The following SLIT3 variants were observed in gnomAD, a reference collection of about 807,000 sequenced individuals.
The protein encoded by SLIT3 is slit guidance ligand 3.
Under a neutral mutation model 184.0 loss-of-function variants are expected in SLIT3, and 68 were observed. The observed-to-expected ratio is 0.37, with a 90% CI of 0.30 to 0.45. The LOEUF is 0.45. SLIT3 is among the 20% of genes least tolerant of loss of function. The pLI is 1.00. For synonymous variants in SLIT3, 831 were observed against 828.6 expected (o/e 1.00, Z -0.05); for missense variants, 1,707 against 2,026.0 (o/e 0.84, Z 3.02).
At chr5:169,062,140 C>T (rs1033831875) in intron 4 of SLIT3, among the ~76,000 whole-genome samples, 19 of 152,054 alleles carry the variant, frequency 1.2e-4, no homozygotes, top group Non-Finnish European at 2.6e-4. Flanking sequence ...GCCGAGATCA[C>T]GCCACTGCAC....
rs181596650 is a variant in SLIT3, at chr5:169,136,639, C to T, written c.413+56840G>A. On this transcript the variant is annotated intron_variant, in intron 4 of 35. Coordinates refer to ENST00000519560, the MANE Select transcript of SLIT3 (RefSeq NM_003062.4). ...GATGTTAAACTTGGTGACCTCTGGC[C>T]CCATCTTTCAACGCCTAAAAACAAG... Among the ~76,000 whole-genome samples, 101 of 152,298 alleles carry T rather than the reference C, an allele frequency of 6.6e-4. 1 individual carries two copies. The highest frequency in any genetic ancestry group is 1.1e-3 in the Non-Finnish European group (74 of 68,030).
intron 4 of SLIT3, among the ~76,000 whole-genome samples, chr5:169,093,860 T>C (rs2113210319): frequency 6.6e-6 from 1 of 152,340 alleles, no homozygotes; most frequent in Admixed American, 6.5e-5. Context: ...AGAGGCCTTA[T>C]GAATTTTTAT....
At chr5:169,021,615 T>A (rs1756600629) in intron 4 of SLIT3, among the ~76,000 whole-genome samples, 1 of 152,212 alleles carries the variant, frequency 6.6e-6, no homozygotes, top group Non-Finnish European at 1.5e-5. Flanking sequence ...CCTCCCAGTG[T>A]GCTGGGATTA....
chr5:168,692,810 G>T (rs1038243311), intron 28 of SLIT3, 110 bp from the exon 29 acceptor site: 8 of 729,326 alleles, frequency 1.1e-5, no homozygotes, highest in Non-Finnish European at 1.9e-5. Flanking sequence ...GACTCATCCA[G>T]CCCCTGGTCA....
intron 5 of SLIT3, chr5:168,844,878 A>G: frequency 2.0e-6 from 1 of 488,836 alleles, no homozygotes; most frequent in Non-Finnish European, 3.6e-6. Context: ...GTCAGGTCTC[A>G]GTAAATATTA....
chr5:168,824,813 G>T (rs1187590775), intron 6 of SLIT3, among the ~76,000 whole-genome samples: 2 of 152,112 alleles, frequency 1.3e-5, no homozygotes, highest in Non-Finnish European at 2.9e-5. Context: ...AGCCTCCATG[G>T]GTCCCTACTG....
intron 3 of SLIT3, among the ~76,000 whole-genome samples, chr5:169,220,172 C>T (rs1764574230): frequency 1.3e-5 from 2 of 152,110 alleles, no homozygotes; most frequent in South Asian, 2.1e-4. Context: ...GTCCTTGGTA[C>T]CCCACATTGC....
chr5:169,242,228 G>T (rs566857771), intron 3 of SLIT3, among the ~76,000 whole-genome samples: 1 of 152,174 alleles, frequency 6.6e-6, no homozygotes, highest in African/African-American at 2.4e-5. Flanking sequence ...ACACTGAAAG[G>T]TATTATGAGA....
intron 20 of SLIT3, among the ~76,000 whole-genome samples, chr5:168,739,397 G>T (rs1263181057): frequency 6.6e-6 from 1 of 151,294 alleles, no homozygotes; most frequent in African/African-American, 2.4e-5. Context: ...GACTATTAAA[G>T]TATTCCTCGC....
At chr5:168,833,548 CCAAAGGCCT>C (rs1261750693) in intron 6 of SLIT3, among the ~76,000 whole-genome samples, 1 of 152,216 alleles carries the variant, frequency 6.6e-6, no homozygotes, top group Non-Finnish European at 1.5e-5. Context: ...CAAGCAGTGG[CCAAAGGCCT>C]GGAAGGCCCT....
At chr5:169,113,844 C>T (rs569897429) in intron 4 of SLIT3, among the ~76,000 whole-genome samples, 128 of 151,850 alleles carry the variant, frequency 8.4e-4, no homozygotes, top group African/African-American at 3.0e-3. Flanking sequence ...TTAGTAGAGG[C>T]GGGGTTTCAC....
chr5:168,735,495 G>A lies in SLIT3; in HGVS notation c.2271-11011C>T, dbSNP rs375034875. On this transcript the variant is annotated intron_variant, in intron 20 of 35. Coordinates refer to ENST00000519560, the MANE Select transcript of SLIT3 (RefSeq NM_003062.4). ...CCTGGGTGAAGTACTTAACCTCTTT[G>A]AGCTTACATTTAGTCACCTGTAAAA... 4.5e-4 allele frequency among the ~76,000 whole-genome samples: 69 copies of A among 152,170 alleles called. No individual in the cohort carries two copies. In the East Asian group the frequency reaches 0.013, roughly 29 times the overall value.
At chr5:169,190,928 G>T (rs1053591273) in intron 4 of SLIT3, among the ~76,000 whole-genome samples, 23 of 152,288 alleles carry the variant, frequency 1.5e-4, no homozygotes, top group Middle Eastern at 3.4e-3. Flanking sequence ...CAAAGATCAA[G>T]CCCAGAGAGA....
rs369710250 is a variant in SLIT3 at position 169,258,961 on chromosome 5, T to G, written c.198-7502A>C. Among the ~76,000 whole-genome samples the G allele has an allele frequency of 5.9e-5, 9 of 152,364 alleles. No individual in the cohort carries two copies. In the South Asian group the frequency reaches 1.9e-3, roughly 32 times the overall value. On this transcript the variant is annotated intron_variant, in intron 1 of 35. Transcript: ENST00000519560. ...TCAACCTTTTCACTCCTTAGCTATG[T>G]GGCTTTGAGAAAGGCACTTAACTTT...
At chr5:168,892,582 T>A (rs1490680163) in intron 4 of SLIT3, among the ~76,000 whole-genome samples, 1 of 152,226 alleles carries the variant, frequency 6.6e-6, no homozygotes, top group Admixed American at 6.5e-5. Context: ...AAGCCATGGT[T>A]TAGAATATTC....
At chr5:169,064,113 T>C (rs967745028) in intron 4 of SLIT3, among the ~76,000 whole-genome samples, 3 of 152,128 alleles carry the variant, frequency 2.0e-5, no homozygotes, top group Admixed American at 2.0e-4. Flanking sequence ...CCATTCTGCT[T>C]GGTGCCAGAA....
At chr5:168,888,991 A>G (rs1760332703) in intron 4 of SLIT3, among the ~76,000 whole-genome samples, 1 of 152,220 alleles carries the variant, frequency 6.6e-6, no homozygotes, top group Non-Finnish European at 1.5e-5. Flanking sequence ...TCTCAATACT[A>G]CCATCTTACA....
intron 32 of SLIT3, among the ~76,000 whole-genome samples, chr5:168,680,850 A>G (rs992657685): frequency 6.6e-6 from 1 of 151,978 alleles, no homozygotes; most frequent in Non-Finnish European, 1.5e-5. Flanking sequence ...AAGGTCCTCC[A>G]AGCAAAAATA....
intron 6 of SLIT3, among the ~76,000 whole-genome samples, 173 bp downstream of exon 6, chr5:168,844,411 G>A (rs193247726): frequency 8.5e-5 from 13 of 152,262 alleles, no homozygotes; most frequent in Non-Finnish European, 1.6e-4. Context: ...TGACCAAGGT[G>A]AGCCGGAGGG....
Sources: gnomAD v4.1 joint callset for allele counts (sites outside exome capture counted in the v4.1 genomes callset) on GRCh38, gnomAD v4.1.1 for gene constraint, MANE v1.5 for transcripts, NCBI Gene and HGNC (gene_info 2026-07-23, HGNC 2026-07-21) for gene names.